GPR158: variants seen among roughly 807,000 people sequenced by gnomAD.
The protein encoded by GPR158 is G protein-coupled receptor 158, also known as metabotropic glycine receptor.
In GPR158, 30 loss-of-function variants were observed where a neutral mutation model predicts 78.2. That is an observed-to-expected ratio of 0.38 (90% CI 0.29 to 0.52). The LOEUF is 0.52. Ranked by LOEUF, GPR158 falls within the 20% of genes least tolerant of loss-of-function variation. The pLI is 0.83. For synonymous variants in GPR158, 581 were observed against 591.1 expected, an observed-to-expected ratio of 0.98 and a Z score of 0.25; for missense variants, 1,463 against 1,523.5, an observed-to-expected ratio of 0.96 and a Z score of 0.66.
chr10:25,325,568 G>C (rs767728846), intron 2 of GPR158, among the ~76,000 whole-genome samples: 3 of 152,162 alleles, frequency 2.0e-5, no homozygotes, highest in Admixed American at 6.5e-5. Context: ...GAATAATTCT[G>C]AACATGGAAG....
rs4017850 is a variant in GPR158 at position 25,526,103 on chromosome 10, TAAAAAAAAAAAAAAAAA to T, written c.1405-24861_1405-24845del. On this transcript the variant is annotated intron_variant, in intron 5 of 10. Coordinates refer to ENST00000376351, the MANE Select transcript of GPR158 (RefSeq NM_020752.3). ...GCCTGGGCGACAGTCCAATTTTGTC[TAAAAAAAAAAAAAAAAA>T]AAAAAAAAAAAGTCATAGCAATTCT... 4.3e-5 allele frequency among the ~76,000 whole-genome samples: 3 copies of T among 69,174 alleles called. No individual in the cohort carries two copies. In the South Asian group the frequency reaches 2.5e-3, roughly 58 times the overall value. The allele number at this position is 69,174 out of a possible 152,430, so 45.4% of individuals were successfully genotyped here. A position where few individuals can be genotyped will look rare whatever the true frequency, so the allele number is the denominator to read the frequency against.
intron 2 of GPR158, among the ~76,000 whole-genome samples, chr10:25,395,406 G>A (rs1269191429): frequency 2.0e-5 from 3 of 151,504 alleles, no homozygotes; most frequent in African/African-American, 4.8e-5. Context: ...TTATCAATTT[G>A]TGTTATTTTG....
chr10:25,190,120 C>T (rs1272028807), intron 1 of GPR158, among the ~76,000 whole-genome samples: 2 of 152,026 alleles, frequency 1.3e-5, no homozygotes, highest in Non-Finnish European at 2.9e-5. Flanking sequence ...ATGATTTAAT[C>T]ATTATAAAGA....
At chr10:25,515,532 A>C (rs1321667919) in intron 5 of GPR158, among the ~76,000 whole-genome samples, 2 of 81,644 alleles carry the variant, frequency 2.4e-5, no homozygotes, top group Non-Finnish European at 4.5e-5. Context: ...CCCCCACCCC[A>C]CCACAGTCCC....
chr10:25,575,256 G>A (rs1465087928), intron 7 of GPR158, among the ~76,000 whole-genome samples: 1 of 152,194 alleles, frequency 6.6e-6, no homozygotes, highest in Non-Finnish European at 1.5e-5. Flanking sequence ...AAAAGTCTTA[G>A]AGGAATTTAG....
At chr10:25,209,456 GT>G (rs891027575) in intron 1 of GPR158, among the ~76,000 whole-genome samples, 2,117 of 145,218 alleles carry the variant, frequency 0.015, 49 homozygotes, top group African/African-American at 0.05. Context: ...CTTTACTTCT[GT>G]TTTTTTTTTT....
intron 2 of GPR158, among the ~76,000 whole-genome samples, chr10:25,358,094 G>T (rs768177369): frequency 4.6e-5 from 7 of 152,094 alleles, no homozygotes; most frequent in Admixed American, 1.3e-4. Context: ...AGACTGGCAT[G>T]GGGCCTGTAG....
intron 2 of GPR158, among the ~76,000 whole-genome samples, chr10:25,334,847 T>C (rs1245802997): frequency 6.6e-6 from 1 of 151,942 alleles, no homozygotes; most frequent in Non-Finnish European, 1.5e-5. Context: ...CTATTTGATA[T>C]TTCCATCCTA....
At chr10:25,586,720 C>T (rs1837274232) in intron 7 of GPR158, among the ~76,000 whole-genome samples, 1 of 152,116 alleles carries the variant, frequency 6.6e-6, no homozygotes, top group Non-Finnish European at 1.5e-5. Flanking sequence ...GCCCGGTATG[C>T]ATGAACCTTC....
Position 25,600,302 on chromosome 10 carries a change from G to T in GPR158, c.*1028G>T, listed in dbSNP as rs186743573. The T allele has an allele frequency of 7.9e-5, 12 of 152,508 alleles. No individual in the cohort carries two copies. In the East Asian group the frequency reaches 2.3e-3, roughly 29 times the overall value. The allele number at this position is 152,508 out of a possible 1,614,324, so 9.4% of individuals were successfully genotyped here. Reference sequence around the variant, plus strand: ...TAACTCTTTCAGTATTTCCTACTTAGCAGCATTTCCAAAGGAAGAAGCTAA... The same window carrying T: ...TAACTCTTTCAGTATTTCCTACTTATCAGCATTTCCAAAGGAAGAAGCTAA... On this transcript the variant is annotated 3_prime_UTR_variant, in exon 11 of 11. Transcript: ENST00000376351.
chr10:25,594,456 G>GT (rs934734200), intron 9 of GPR158, 59 bp downstream of exon 9: 15 of 735,268 alleles, frequency 2.0e-5, no homozygotes, highest in Non-Finnish European at 3.2e-5. Flanking sequence ...ACATGGAGTT[G>GT]TTTATCCTAT....
intron 2 of GPR158, among the ~76,000 whole-genome samples, chr10:25,300,267 C>T (rs952022751): frequency 4.6e-5 from 7 of 152,166 alleles, no homozygotes; most frequent in East Asian, 1.9e-4. Context: ...TGGCCACTTA[C>T]GTTCCATGGC....
chr10:25,369,857 G>T (rs1833960153), intron 2 of GPR158, among the ~76,000 whole-genome samples: 2 of 152,028 alleles, frequency 1.3e-5, no homozygotes, highest in South Asian at 4.2e-4. Flanking sequence ...CCTGTTATTG[G>T]TCTATTCAGG....
At chr10:25,244,505 C>G (rs535907176) in intron 2 of GPR158, 2 of 152,324 alleles carry the variant, frequency 1.3e-5, no homozygotes, top group South Asian at 4.1e-4. Flanking sequence ...CAAACAAGAT[C>G]AGGGAAGGAG....
chr10:25,563,474 GT>G (rs1836885245), intron 6 of GPR158, among the ~76,000 whole-genome samples: 1 of 151,990 alleles, frequency 6.6e-6, no homozygotes. Flanking sequence ...TTTGTGATTT[GT>G]TTTTATATAT....
chr10:25,491,568 A>T (rs1835809138), intron 5 of GPR158, among the ~76,000 whole-genome samples: 1 of 152,206 alleles, frequency 6.6e-6, no homozygotes. Flanking sequence ...TTATTGAGAT[A>T]AATTATCATT....
At chr10:25,211,883 G>A (rs1399827369) in intron 1 of GPR158, among the ~76,000 whole-genome samples, 1 of 152,090 alleles carries the variant, frequency 6.6e-6, no homozygotes, top group Non-Finnish European at 1.5e-5. Flanking sequence ...ATATTCATAT[G>A]TCTGTCTCTG....
chr10:25,508,922 G>A (rs1836048497), intron 5 of GPR158, among the ~76,000 whole-genome samples: 1 of 152,146 alleles, frequency 6.6e-6, no homozygotes, highest in Non-Finnish European at 1.5e-5. Context: ...ACACGCCTTA[G>A]CATCTTTTTT....
intron 1 of GPR158, among the ~76,000 whole-genome samples, chr10:25,206,144 C>A (rs1388876687): frequency 6.6e-6 from 1 of 152,008 alleles, no homozygotes; most frequent in Non-Finnish European, 1.5e-5. Context: ...CACCACCACA[C>A]CTGGCTAATT....
Sources: allele counts gnomAD v4.1 joint callset (sites outside exome capture counted in the v4.1 genomes callset), GRCh38; gene constraint gnomAD v4.1.1; transcripts MANE v1.5; gene names NCBI Gene and HGNC (gene_info 2026-07-23, HGNC 2026-07-21).